JAK2: variants seen among roughly 807,000 people sequenced by gnomAD.
JAK2 encodes the protein tyrosine-protein kinase JAK2.
A neutral mutation model predicts 139.3 loss-of-function variants in JAK2; 86 were observed. That is an observed-to-expected ratio of 0.62 (90% CI 0.52 to 0.74). The LOEUF is 0.74. JAK2 is among the 30% of genes least tolerant of loss of function. JAK2 has a pLI of 0.00. For synonymous variants in JAK2, 490 were observed against 437.7 expected, an observed-to-expected ratio of 1.12 and a Z score of -1.49; for missense variants, 1,421 against 1,360.3, an observed-to-expected ratio of 1.04 and a Z score of -0.70.
At chr9:5,036,109 C>T (rs575234969) in intron 4 of JAK2, among the ~76,000 whole-genome samples, 1 of 152,304 alleles carries the variant, frequency 6.6e-6, no homozygotes, top group South Asian at 2.1e-4. Flanking sequence ...AGAGCCAAAT[C>T]ATGAGTGAAC....
chr9:5,010,173 G>T (rs1821600231), intron 2 of JAK2, among the ~76,000 whole-genome samples: 1 of 152,084 alleles, frequency 6.6e-6, no homozygotes, highest in Non-Finnish European at 1.5e-5. Flanking sequence ...TTTGCTGATA[G>T]CACCTTTTCT....
chr9:5,000,391 C>T (rs1820860870), intron 2 of JAK2, among the ~76,000 whole-genome samples: 1 of 152,036 alleles, frequency 6.6e-6, no homozygotes. Context: ...TGAAGAACAG[C>T]TAACAGCAGT....
In JAK2 at chr9:5,095,462, C is replaced by T. The variant is rs529127196; in HGVS notation, c.3059+4551C>T. ...ATGATGGGTATCCTTTTCAACAACC[C>T]GTCCTCCGGGCAATGGACAATAATA... is the stretch of plus-strand genomic sequence containing the variant. On this transcript the variant is annotated intron_variant, in intron 22 of 24. Coordinates refer to ENST00000381652, the MANE Select transcript of JAK2 (RefSeq NM_004972.4). 2.6e-5 allele frequency among the ~76,000 whole-genome samples: 4 copies of T among 152,102 alleles called. No homozygotes were observed. In the South Asian group the frequency reaches 8.3e-4, roughly 32 times the overall value.
intron 4 of JAK2, among the ~76,000 whole-genome samples, chr9:5,036,409 A>G (rs1395743371): frequency 6.6e-5 from 10 of 152,134 alleles, no homozygotes; most frequent in African/African-American, 2.2e-4. Context: ...AAAAGAGCCC[A>G]CATTGCCAAG....
chr9:5,014,164 CTTTTTT>C (rs200845162), intron 2 of JAK2, among the ~76,000 whole-genome samples: 1 of 117,540 alleles, frequency 8.5e-6, no homozygotes. Context: ...TTTACTCTTT[CTTTTTT>C]TTTTTTTTTT....
At chr9:5,025,363 A>T (rs1427515507) in intron 3 of JAK2, among the ~76,000 whole-genome samples, 1 of 152,114 alleles carries the variant, frequency 6.6e-6, no homozygotes, top group African/African-American at 2.4e-5. Flanking sequence ...TATACTTAAG[A>T]TGGAATTGTC....
At chr9:5,087,136 C>T (rs760327227) in intron 19 of JAK2, among the ~76,000 whole-genome samples, 6 of 152,116 alleles carry the variant, frequency 3.9e-5, no homozygotes, top group Non-Finnish European at 8.8e-5. Context: ...TCTGTTCTCA[C>T]GCTGCAAATA....
chr9:4,986,008 C>T lies in JAK2; in HGVS notation c.-40C>T, dbSNP rs1411393614. 6.5e-6 allele frequency: 1 copy of T among 152,686 alleles called. No homozygotes were observed. The highest frequency in any genetic ancestry group is 1.9e-4 in the East Asian group (1 of 5,334). 9.5% of individuals were successfully genotyped at this position (152,686 alleles called of 1,614,324 possible). A position where few individuals can be genotyped will look rare whatever the true frequency, so the allele number is the denominator to read the frequency against. On this transcript the variant is annotated 5_prime_UTR_variant, in exon 2 of 25. Coordinates refer to ENST00000381652, the MANE Select transcript of JAK2 (RefSeq NM_004972.4). ...TTCTGCAGAAAAAGAGGCTCTTCCT[C>T]CTCCTCCCGCGACGGTGGGTGTGCT...
At chr9:5,034,479 T>C (rs893376936) in intron 4 of JAK2, among the ~76,000 whole-genome samples, 2 of 151,980 alleles carry the variant, frequency 1.3e-5, no homozygotes, top group East Asian at 1.9e-4. Context: ...ATTGACCACA[T>C]AGTTGGAAGT....
chr9:5,122,278 G>T (rs572512365), intron 22 of JAK2, among the ~76,000 whole-genome samples: 1 of 152,090 alleles, frequency 6.6e-6, no homozygotes, highest in Non-Finnish European at 1.5e-5. Flanking sequence ...AGGCCAAAAC[G>T]TTCCCTTGGA....
chr9:5,115,156 A>G (rs1055931746), intron 22 of JAK2, among the ~76,000 whole-genome samples: 5 of 152,218 alleles, frequency 3.3e-5, no homozygotes, highest in Non-Finnish European at 7.3e-5. Flanking sequence ...ATTTTTTGCA[A>G]TCTAGCCACC....
At chr9:5,036,536 C>T (rs971714779) in intron 4 of JAK2, among the ~76,000 whole-genome samples, 1 of 151,088 alleles carries the variant, frequency 6.6e-6, no homozygotes, top group Non-Finnish European at 1.5e-5. Flanking sequence ...GAGATATAGA[C>T]CAATGGAAAG....
intron 23 of JAK2, 33 bp from the exon 24 acceptor site, chr9:5,126,300 G>A (rs753983421): frequency 1.4e-6 from 2 of 1,456,784 alleles, no homozygotes; most frequent in Admixed American, 1.9e-5. Context: ...CAAATTAAAT[G>A]TACAAAAAAT....
At chr9:5,087,035 G>T (rs1820173230) in intron 19 of JAK2, among the ~76,000 whole-genome samples, 2 of 152,004 alleles carry the variant, frequency 1.3e-5, no homozygotes, top group African/African-American at 2.4e-5. Context: ...AACACTAAAA[G>T]AAAAAAATCA....
At chr9:5,006,435 ATTT>A (rs1480899357) in intron 2 of JAK2, among the ~76,000 whole-genome samples, 1 of 152,162 alleles carries the variant, frequency 6.6e-6, no homozygotes, top group Non-Finnish European at 1.5e-5. Flanking sequence ...GGTATATTCA[ATTT>A]TTAAATTACT....
At chr9:5,120,729 G>C (rs74932895) in intron 22 of JAK2, among the ~76,000 whole-genome samples, 1,549 of 152,252 alleles carry the variant, frequency 0.01, 22 homozygotes, top group African/African-American at 0.034. Flanking sequence ...CAATGGGTTA[G>C]GAGACTGATT....
At chr9:5,082,178 C>T (rs1238696463) in intron 19 of JAK2, among the ~76,000 whole-genome samples, 4 of 152,120 alleles carry the variant, frequency 2.6e-5, no homozygotes, top group African/African-American at 7.2e-5. Flanking sequence ...ATGGAGGACC[C>T]GCACCAACAC....
chr9:5,007,496 A>T (rs1387682194), intron 2 of JAK2, among the ~76,000 whole-genome samples: 1 of 152,046 alleles, frequency 6.6e-6, no homozygotes, highest in Non-Finnish European at 1.5e-5. Flanking sequence ...AGAACTTCAC[A>T]TTTTTCAATG....
chr9:5,003,120 C>G (rs1190956958), intron 2 of JAK2, among the ~76,000 whole-genome samples: 2 of 151,882 alleles, frequency 1.3e-5, no homozygotes, highest in African/African-American at 4.8e-5. Context: ...TACCAATCTG[C>G]TTGTTCTATC....
Sources: gnomAD v4.1 joint callset for allele counts (sites outside exome capture counted in the v4.1 genomes callset) on GRCh38, gnomAD v4.1.1 for gene constraint, MANE v1.5 for transcripts, NCBI Gene and HGNC (gene_info 2026-07-23, HGNC 2026-07-21) for gene names.